ATP10D: variants seen among roughly 807,000 people sequenced by gnomAD.
The protein encoded by ATP10D is phospholipid-transporting ATPase VD.
In ATP10D, 89 loss-of-function variants were observed where a neutral mutation model predicts 144.8. That is an observed-to-expected ratio of 0.61 (90% CI 0.52 to 0.73). ATP10D has a LOEUF of 0.73. Among genes scored for constraint, ATP10D ranks in the 30% least tolerant of loss-of-function variants. The pLI, the probability that ATP10D is intolerant of heterozygous loss-of-function variation, is 0.00. For synonymous variants in ATP10D, 571 were observed against 615.1 expected, an observed-to-expected ratio of 0.93 and a Z score of 1.06; for missense variants, 1,603 against 1,714.8, an observed-to-expected ratio of 0.93 and a Z score of 1.15.
chr4:47,567,923 AT>A (rs1719729654), intron 15 of ATP10D, among the ~76,000 whole-genome samples: 1 of 152,256 alleles, frequency 6.6e-6, no homozygotes, highest in South Asian at 2.1e-4. Context: ...CGAATAAACT[AT>A]TTCAGACTTA....
intron 1 of ATP10D, chr4:47,491,272 C>T: frequency 1.1e-6 from 1 of 889,768 alleles, no homozygotes; most frequent in South Asian, 1.3e-5. Context: ...ACTTTGTAGA[C>T]TCTTCCAGTT....
chr4:47,579,043 CAT>C (rs1314618767), intron 19 of ATP10D, among the ~76,000 whole-genome samples: 1 of 152,166 alleles, frequency 6.6e-6, no homozygotes, highest in Admixed American at 6.5e-5. Flanking sequence ...GGATGTGACA[CAT>C]GTTTTTCCAA....
At chr4:47,555,716 C>A (rs76482552) in intron 11 of ATP10D, among the ~76,000 whole-genome samples, 1 of 151,860 alleles carries the variant, frequency 6.6e-6, no homozygotes, top group African/African-American at 2.4e-5. Flanking sequence ...CAAAATATAC[C>A]GTATTGGATT....
rs189611931 is a variant in ATP10D at position 47,505,401 on chromosome 4, C to T, written c.-37-7103C>T. On this transcript the variant is annotated intron_variant, in intron 1 of 22. Coordinates refer to ENST00000273859, the MANE Select transcript of ATP10D (RefSeq NM_020453.4). ...GACATGCAGACTCCTGAGCCCCATC[C>T]CAGACCTGCTAGATCAGAAACCTAG... is the stretch of plus-strand genomic sequence containing the variant. Among the ~76,000 whole-genome samples, 61 of 152,258 alleles carry T rather than the reference C, an allele frequency of 4.0e-4. 1 individual carries two copies. Among genetic ancestry groups the T allele is most frequent in the African/African-American group, 1.3e-3 (56 of 41,554 alleles).
chr4:47,568,489 T>G (rs1310230232), intron 15 of ATP10D, among the ~76,000 whole-genome samples: 1 of 152,204 alleles, frequency 6.6e-6, no homozygotes, highest in Non-Finnish European at 1.5e-5. Flanking sequence ...AGTTAAGGCT[T>G]AGAGAGGTTA....
chr4:47,541,025 GTCTGCA>G (rs1718107868), intron 9 of ATP10D, among the ~76,000 whole-genome samples: 1 of 152,180 alleles, frequency 6.6e-6, no homozygotes, highest in African/African-American at 2.4e-5. Flanking sequence ...GGCCTCCTGA[GTCTGCA>G]TCCCATTTCC....
At chr4:47,558,329 A>C in intron 12 of ATP10D, 56 bp downstream of exon 12, 1 of 1,563,644 alleles carries the variant, frequency 6.4e-7, no homozygotes, top group Non-Finnish European at 8.7e-7. Context: ...AGATTAAAAG[A>C]CCATACTTGA....
At chr4:47,549,720 G>A (rs1029452128) in intron 10 of ATP10D, among the ~76,000 whole-genome samples, 2 of 152,194 alleles carry the variant, frequency 1.3e-5, no homozygotes, top group African/African-American at 4.8e-5. Context: ...CACAAAGAAG[G>A]GAATGATCAC....
chr4:47,495,737 CTTT>C (rs34643518), intron 1 of ATP10D, among the ~76,000 whole-genome samples: 6 of 141,526 alleles, frequency 4.2e-5, no homozygotes, highest in Admixed American at 7.0e-5. Flanking sequence ...TTTTAAGCAA[CTTT>C]TTTTTTTTTT....
chr4:47,581,842 C>A, intron 20 of ATP10D, 118 bp from the exon 21 acceptor site: 1 of 731,640 alleles, frequency 1.4e-6, no homozygotes, highest in Admixed American at 2.2e-5. Context: ...TTTCATATGG[C>A]CAGTTCACAG....
intron 1 of ATP10D, among the ~76,000 whole-genome samples, chr4:47,501,410 A>G (rs10033682): frequency 0.13 from 19,764 of 152,256 alleles, 1,409 homozygotes; most frequent in African/African-American, 0.18. Context: ...ATAAATGCAA[A>G]TATTTAAATT....
At chr4:47,581,918 T>C in intron 20 of ATP10D, 42 bp from the exon 21 acceptor site, 3 of 1,520,778 alleles carry the variant, frequency 2.0e-6, no homozygotes, top group Non-Finnish European at 9.1e-7. Context: ...CCACACCAAG[T>C]TGCACAACTC....
chr4:47,530,512 A>G (rs1415785617), intron 5 of ATP10D, among the ~76,000 whole-genome samples: 1 of 152,072 alleles, frequency 6.6e-6, no homozygotes, highest in Non-Finnish European at 1.5e-5. Context: ...GCTAGAGCAG[A>G]GTGGTGCGAT....
At chr4:47,569,692 T>G (rs1719841952) in intron 16 of ATP10D, among the ~76,000 whole-genome samples, 1 of 152,120 alleles carries the variant, frequency 6.6e-6, no homozygotes, top group Admixed American at 6.5e-5. Flanking sequence ...ATAAGTACTA[T>G]TGAAAAAATA....
At chr4:47,501,915 A>G (rs1715699185) in intron 1 of ATP10D, among the ~76,000 whole-genome samples, 1 of 152,188 alleles carries the variant, frequency 6.6e-6, no homozygotes, top group Non-Finnish European at 1.5e-5. Flanking sequence ...ATAACGTATT[A>G]TTTTAGAAGC....
intron 14 of ATP10D, among the ~76,000 whole-genome samples, chr4:47,563,281 G>C (rs1719416399): frequency 6.6e-6 from 1 of 152,182 alleles, no homozygotes; most frequent in Non-Finnish European, 1.5e-5. Flanking sequence ...TAAAATTGTA[G>C]TGTAAGGTTG....
intron 21 of ATP10D, chr4:47,583,237 A>C (rs1720614994): frequency 6.6e-6 from 1 of 152,222 alleles, no homozygotes. Flanking sequence ...TTTGTTCACC[A>C]CTGTATACCA....
At position 47,495,835 on chromosome 4, in the gene ATP10D, T is replaced by C. The variant is rs770551763; in HGVS notation, c.-38+10316T>C. ...TCACTGCAACCTCCATCTCCCGTTTTCAAGCAATTCTTCTGCCTCAGCCTC... is the reference window on the plus strand; with the variant it reads ...TCACTGCAACCTCCATCTCCCGTTTCCAAGCAATTCTTCTGCCTCAGCCTC... On this transcript the variant is annotated intron_variant, in intron 1 of 22. Coordinates refer to ENST00000273859, the MANE Select transcript of ATP10D (RefSeq NM_020453.4). Among the ~76,000 whole-genome samples, 110 of 152,232 alleles carry C rather than the reference T, an allele frequency of 7.2e-4. 1 individual carries two copies. Among genetic ancestry groups the C allele is most frequent in the Admixed American group, 1.1e-3 (17 of 15,282 alleles).
Position 47,523,223 on chromosome 4 carries a change from C to A in ATP10D, c.690+7C>A, listed in dbSNP as rs1373923545. ...TCGGGGATATGCAGAACAGGTAAGT[C>A]ATATGTTCTCAGTTAGTGGCTTATT... On this transcript the variant is annotated splice_region_variant and intron_variant, in intron 4 of 22. Transcript: ENST00000273859. 1.9e-6 allele frequency: 3 copies of A among 1,610,646 alleles called. No homozygotes were observed. The South Asian group carries it at 3.3e-5, about 18-fold the overall frequency.
Sources: allele counts gnomAD v4.1 joint callset (sites outside exome capture counted in the v4.1 genomes callset), GRCh38; gene constraint gnomAD v4.1.1; transcripts MANE v1.5; gene names NCBI Gene and HGNC (gene_info 2026-07-23, HGNC 2026-07-21).